The following ME3 variants were observed in gnomAD, a reference collection of about 807,000 sequenced individuals.
ME3 encodes malic enzyme 3.
Under a neutral mutation model 68.9 loss-of-function variants are expected in ME3, and 48 were observed. The ratio of observed to expected loss-of-function variants is 0.70; its 90% CI spans 0.55 to 0.89. The LOEUF (loss-of-function observed/expected upper bound fraction) is 0.89. Ranked by LOEUF, ME3 falls within the 40% of genes least tolerant of loss-of-function variation. ME3 has a pLI of 0.00. For missense variants in ME3, 675 were observed against 797.4 expected (o/e 0.85, Z 1.85); for synonymous variants, 320 against 318.8 (o/e 1.00, Z -0.04).
chr11:86,586,058 G>A (rs543939876), intron 2 of ME3, among the ~76,000 whole-genome samples: 1 of 152,328 alleles, frequency 6.6e-6, no homozygotes, highest in South Asian at 2.1e-4. Context: ...GTGGTTTGAG[G>A]AAAGTTGTGA....
intron 7 of ME3, among the ~76,000 whole-genome samples, chr11:86,470,649 A>G (rs980744190): frequency 2.0e-5 from 3 of 152,214 alleles, no homozygotes; most frequent in Admixed American, 6.5e-5. Flanking sequence ...ACTCTGTTGC[A>G]TCTCATCCTC....
intron 4 of ME3, among the ~76,000 whole-genome samples, chr11:86,551,517 G>A (rs887270470): frequency 6.6e-6 from 1 of 152,268 alleles, no homozygotes; most frequent in South Asian, 2.1e-4. Flanking sequence ...ACCAGAAGCT[G>A]GACTATGAAT....
intron 1 of ME3, 95 bp downstream of exon 1, chr11:86,672,229 A>C: frequency 5.4e-6 from 2 of 371,678 alleles, no homozygotes; most frequent in Non-Finnish European, 9.5e-6. Context: ...CCCTGCCCCC[A>C]TCCCTGTGAA....
rs564528922 is a variant in ME3 at position 86,460,936 on chromosome 11, C to G, written c.919+4155G>C. 1.5e-4 allele frequency among the ~76,000 whole-genome samples: 23 copies of G among 152,360 alleles called. No homozygotes were observed. In the East Asian group the frequency reaches 4.4e-3, roughly 29 times the overall value. On this transcript the variant is annotated intron_variant, in intron 8 of 14. Coordinates refer to ENST00000543262, the Ensembl canonical transcript of ME3. ...AGAACACACATCACAGGCTTCTGGC[C>G]TGGACCCATCCCTAACCAGCTTGTG...
chr11:86,629,161 T>C (rs1943850863), intron 2 of ME3, among the ~76,000 whole-genome samples: 1 of 152,190 alleles, frequency 6.6e-6, no homozygotes, highest in Non-Finnish European at 1.5e-5. Flanking sequence ...GCCTGGAAAC[T>C]GGAGCCCTGC....
At chr11:86,509,398 T>TCACACACA (rs3045014) in intron 4 of ME3, among the ~76,000 whole-genome samples, 38 of 144,662 alleles carry the variant, frequency 2.6e-4, no homozygotes, top group African/African-American at 8.8e-4. Flanking sequence ...TACTCCATCA[T>TCACACACA]CACACACACA....
At chr11:86,526,805 CCTAA>C (rs1228483020) in intron 4 of ME3, among the ~76,000 whole-genome samples, 1 of 152,182 alleles carries the variant, frequency 6.6e-6, no homozygotes, top group Non-Finnish European at 1.5e-5. Flanking sequence ...AGCTGAGGGT[CCTAA>C]CTGTTAGAAG....
intron 2 of ME3, among the ~76,000 whole-genome samples, chr11:86,599,063 C>T (rs538768634): frequency 4.6e-5 from 7 of 152,330 alleles, no homozygotes; most frequent in East Asian, 1.9e-4. Context: ...TCCAAAGGAA[C>T]GCAGTTCCTC....
At chr11:86,551,771 A>G (rs1956697036) in intron 4 of ME3, among the ~76,000 whole-genome samples, 1 of 152,230 alleles carries the variant, frequency 6.6e-6, no homozygotes, top group Non-Finnish European at 1.5e-5. Context: ...ATTTGCAGAT[A>G]AGAAAGACAG....
chr11:86,651,925 G>A (rs141162208), intron 2 of ME3, among the ~76,000 whole-genome samples: 4 of 152,210 alleles, frequency 2.6e-5, no homozygotes, highest in Non-Finnish European at 4.4e-5. Flanking sequence ...GAAAACCATG[G>A]CACGAGAACC....
At chr11:86,517,728 ATCTCTGATGCATAT>A (rs1953987466) in intron 4 of ME3, among the ~76,000 whole-genome samples, 1 of 152,204 alleles carries the variant, frequency 6.6e-6, no homozygotes, top group African/African-American at 2.4e-5. Flanking sequence ...AGGAAATTAT[ATCTCTGATGCATAT>A]CTCCTTCCAC....
intron 8 of ME3, chr11:86,457,398 GC>G (rs1949998261): frequency 1.5e-6 from 1 of 681,162 alleles, no homozygotes; most frequent in Non-Finnish European, 1.8e-6. Flanking sequence ...CCTCCAGGTG[GC>G]CAAATTCAGT....
At chr11:86,493,274 C>T (rs1258774491) in intron 6 of ME3, among the ~76,000 whole-genome samples, 2 of 152,190 alleles carry the variant, frequency 1.3e-5, no homozygotes, top group Non-Finnish European at 2.9e-5. Flanking sequence ...ACATGACTCC[C>T]CTCCCTCCAC....
intron 2 of ME3, among the ~76,000 whole-genome samples, chr11:86,652,397 C>T (rs1193332348): frequency 6.6e-6 from 1 of 152,232 alleles, no homozygotes; most frequent in African/African-American, 2.4e-5. Flanking sequence ...GCTGATCTCT[C>T]TGCAGAAACT....
intron 7 of ME3, among the ~76,000 whole-genome samples, chr11:86,480,015 C>T (rs1003457471): frequency 2.6e-5 from 4 of 152,038 alleles, no homozygotes; most frequent in Admixed American, 6.6e-5. Context: ...GATGGGGTTT[C>T]GCCATGTTGG....
chr11:86,537,722 C>T (rs1380099591), intron 4 of ME3, among the ~76,000 whole-genome samples: 1 of 152,192 alleles, frequency 6.6e-6, no homozygotes, highest in Non-Finnish European at 1.5e-5. Context: ...CTCAGCCTGT[C>T]TTGGAACCCA....
chr11:86,540,670 G>A (rs1955988245), intron 4 of ME3, among the ~76,000 whole-genome samples: 1 of 152,192 alleles, frequency 6.6e-6, no homozygotes, highest in Non-Finnish European at 1.5e-5. Context: ...GAAATTTACT[G>A]TAGGTACAAT....
At chr11:86,544,475 C>G (rs971563266) in intron 4 of ME3, among the ~76,000 whole-genome samples, 3 of 152,162 alleles carry the variant, frequency 2.0e-5, no homozygotes, top group Non-Finnish European at 4.4e-5. Context: ...AAGGAGATAT[C>G]ACCACTGATT....
chr11:86,524,574 A>G (rs146292805), intron 4 of ME3, among the ~76,000 whole-genome samples: 17 of 152,338 alleles, frequency 1.1e-4, no homozygotes, highest in African/African-American at 3.8e-4. Context: ...AGGCAGTTCT[A>G]TGGGCAGGCA....
Sources: allele counts gnomAD v4.1 joint callset (sites outside exome capture counted in the v4.1 genomes callset), GRCh38; gene constraint gnomAD v4.1.1; transcripts MANE v1.5; gene names NCBI Gene and HGNC (gene_info 2026-07-23, HGNC 2026-07-21).